Variants in BRIP1 observed in about 807,000 individuals in gnomAD.
The protein encoded by BRIP1 is Fanconi anemia group J protein.
Under a neutral mutation model 119.7 loss-of-function variants are expected in BRIP1, and 88 were observed. That is an observed-to-expected ratio of 0.74 (90% CI 0.62 to 0.88). The LOEUF (loss-of-function observed/expected upper bound fraction) is 0.88, where lower values mean the gene tolerates loss of function less well. BRIP1 is among the 40% of genes least tolerant of loss of function. BRIP1 has a pLI of 0.00. For missense variants in BRIP1, 1,259 were observed against 1,455.4 expected (o/e 0.87, Z 2.20); for synonymous variants, 443 against 496.5 (o/e 0.89, Z 1.43).
chr17:61,752,993 G>A lies in BRIP1; in HGVS notation c.2098-8402C>T, dbSNP rs927075602. Among the ~76,000 whole-genome samples, 23 of 152,130 alleles carry A rather than the reference G, an allele frequency of 1.5e-4. No homozygotes were observed. Among genetic ancestry groups the A allele is most frequent in the Admixed American group, 7.2e-4 (11 of 15,284 alleles). Reference sequence around the variant, plus strand: ...TCTAATGTGGCAGCATTGAGAGGTGGGGGATTTTAAGAGGTGACAGGGTAA... The same window carrying A: ...TCTAATGTGGCAGCATTGAGAGGTGAGGGATTTTAAGAGGTGACAGGGTAA... On this transcript the variant is annotated intron_variant, in intron 14 of 19. Coordinates refer to ENST00000259008, the MANE Select transcript of BRIP1 (RefSeq NM_032043.3). The surrounding 1 kb of genome is among the most constrained non-coding windows in gnomAD (Gnocchi z 6.2).
In BRIP1 at chr17:61,856,790, T is replaced by C. The variant is rs1320463618; in HGVS notation, c.379+268A>G. Among the ~76,000 whole-genome samples, 1 of 152,166 alleles carries C rather than the reference T, an allele frequency of 6.6e-6. No homozygotes were observed. The highest frequency in any genetic ancestry group is 1.5e-5 in the Non-Finnish European group (1 of 68,010). On this transcript the variant is annotated intron_variant, in intron 4 of 19. Transcript: ENST00000259008. This position sits in a 1 kb window ranked among gnomAD's most constrained non-coding sequence, Gnocchi z 5.1. ...CAATAATGGCTACAAATAACATCAA[T>C]TTTGGAAAATCATTTATTTTGCCTT...
chr17:61,830,356 C>T (rs993764004), intron 6 of BRIP1, among the ~76,000 whole-genome samples: 1 of 137,878 alleles, frequency 7.3e-6, no homozygotes, highest in Non-Finnish European at 1.6e-5. Flanking sequence ...AGAAAGTCAA[C>T]AAAAACTTTT....
intron 6 of BRIP1, among the ~76,000 whole-genome samples, chr17:61,812,974 T>TCA (rs2078185705): frequency 6.6e-6 from 1 of 151,890 alleles, no homozygotes; most frequent in Admixed American, 6.6e-5. Flanking sequence ...TCCCTACCAC[T>TCA]CACACAAAAA....
intron 14 of BRIP1, among the ~76,000 whole-genome samples, chr17:61,763,576 T>C (rs934956912): frequency 6.6e-6 from 1 of 152,118 alleles, no homozygotes; most frequent in African/African-American, 2.4e-5. Context: ...TAGTACTTTG[T>C]ACAAAGGCAA....
intron 10 of BRIP1, among the ~76,000 whole-genome samples, chr17:61,788,799 T>C (rs1255005276): frequency 2.6e-5 from 4 of 151,370 alleles, no homozygotes; most frequent in Admixed American, 6.6e-5. Context: ...CTACAAAACA[T>C]AAAAAAAATT....
At chr17:61,813,139 G>C (rs899708803) in intron 6 of BRIP1, among the ~76,000 whole-genome samples, 3 of 151,890 alleles carry the variant, frequency 2.0e-5, no homozygotes, top group Non-Finnish European at 4.4e-5. Context: ...ACTACAAATT[G>C]AATTTCAAAA....
At chr17:61,698,859 C>T (rs1324031970) in intron 17 of BRIP1, among the ~76,000 whole-genome samples, 3 of 151,816 alleles carry the variant, frequency 2.0e-5, no homozygotes, top group Non-Finnish European at 1.5e-5. Context: ...GGATTATAGG[C>T]ACATGCCACT....
chr17:61,693,539 T>C lies in BRIP1; in HGVS notation c.2493-27A>G, dbSNP rs773470271. On this transcript the variant is annotated intron_variant, in intron 17 of 19. Transcript: ENST00000259008. This position sits in a 1 kb window ranked among gnomAD's most constrained non-coding sequence, Gnocchi z 4.2. Reference sequence around the variant, plus strand: ...TAGAAAAAATAGGGAAAAAGTCAAATAATTATAACATCGGAAATAAATCCA... The same window carrying C: ...TAGAAAAAATAGGGAAAAAGTCAAACAATTATAACATCGGAAATAAATCCA... 33 of 1,557,042 alleles carry C rather than the reference T, an allele frequency of 2.1e-5. No homozygotes were observed. In the Middle Eastern group the frequency reaches 6.8e-4, roughly 32 times the overall value.
At chr17:61,771,876 C>T (rs2077453455) in intron 14 of BRIP1, among the ~76,000 whole-genome samples, 1 of 151,998 alleles carries the variant, frequency 6.6e-6, no homozygotes, top group African/African-American at 2.4e-5. Context: ...GCAGGAGAAT[C>T]ACTGGAACCT....
rs950475289 is a variant in BRIP1 at position 61,798,205 on chromosome 17, A to AT, written c.1340+894dup. 6.0e-5 allele frequency among the ~76,000 whole-genome samples: 9 copies of AT among 149,944 alleles called. No individual in the cohort carries two copies. Among genetic ancestry groups the AT allele is most frequent in the Non-Finnish European group, 7.4e-5 (5 of 67,244 alleles). On this transcript the variant is annotated intron_variant, in intron 9 of 19. Transcript: ENST00000259008. This position sits in a 1 kb window ranked among gnomAD's most constrained non-coding sequence, Gnocchi z 5.5. ...CTATCTAATGGAATTCTAGATATCT[A>AT]TTTTTTTTTTAAACTGAGAAAGCTT... is the stretch of plus-strand genomic sequence containing the variant.
intron 3 of BRIP1, among the ~76,000 whole-genome samples, chr17:61,858,014 T>A (rs2078921348): frequency 6.6e-6 from 1 of 152,154 alleles, no homozygotes; most frequent in Non-Finnish European, 1.5e-5. Context: ...AATAGAAACA[T>A]GTTTTTTGAT....
Position 61,841,885 on chromosome 17 carries a change from TTG to T in BRIP1, c.627+5214_627+5215del, listed in dbSNP as rs1373936639. 6.6e-6 allele frequency among the ~76,000 whole-genome samples: 1 copy of T among 152,128 alleles called. No homozygotes were observed. The highest frequency in any genetic ancestry group is 1.5e-5 in the Non-Finnish European group (1 of 68,016). On this transcript the variant is annotated intron_variant, in intron 6 of 19. Transcript: ENST00000259008. This position sits in a 1 kb window ranked among gnomAD's most constrained non-coding sequence, Gnocchi z 4.1. Reference sequence around the variant, plus strand: ...TTGTACAGATGGGGTTCTCGCTATGTTGCCGGGGCTGGTCTCAAACTCCTGGC... The same window carrying T: ...TTGTACAGATGGGGTTCTCGCTATGTCCGGGGCTGGTCTCAAACTCCTGGC...
intron 11 of BRIP1, 67 bp from the exon 12 acceptor site, chr17:61,781,072 T>G (rs1056918231): frequency 1.1e-5 from 16 of 1,457,372 alleles, no homozygotes; most frequent in Non-Finnish European, 1.5e-5. Context: ...CTACATACAA[T>G]ATAAAAACTG....
chr17:61,728,228 T>C (rs2076796204), intron 16 of BRIP1, among the ~76,000 whole-genome samples: 1 of 152,044 alleles, frequency 6.6e-6, no homozygotes. Context: ...AATGTGAGTT[T>C]TGGAATAAGA....
rs374942119 is a variant in BRIP1 at position 61,717,372 on chromosome 17, C to T, written c.2380-1309G>A. 6.6e-6 allele frequency among the ~76,000 whole-genome samples: 1 copy of T among 152,090 alleles called. No individual in the cohort carries two copies. Among genetic ancestry groups the T allele is most frequent in the South Asian group, 2.1e-4 (1 of 4,826 alleles). On this transcript the variant is annotated intron_variant, in intron 16 of 19. Coordinates refer to ENST00000259008, the MANE Select transcript of BRIP1 (RefSeq NM_032043.3). This position sits in a 1 kb window ranked among gnomAD's most constrained non-coding sequence, Gnocchi z 4.1. ...GTAGATTTAAATTTCCATCTGGTAT[C>T]ATTTTCCTTCTACCTGAAGAACTTT...
chr17:61,698,103 G>A (rs2061556763), intron 17 of BRIP1, among the ~76,000 whole-genome samples: 1 of 152,184 alleles, frequency 6.6e-6, no homozygotes, highest in Non-Finnish European at 1.5e-5. Context: ...ACCGTGCCTG[G>A]CCTAGATGTT....
intron 16 of BRIP1, among the ~76,000 whole-genome samples, chr17:61,728,187 A>G (rs913449610): frequency 4.6e-5 from 7 of 152,264 alleles, no homozygotes; most frequent in Admixed American, 3.3e-4. Flanking sequence ...ATTATTGCCA[A>G]GAATATTTGA....
At position 61,823,222 on chromosome 17, in the gene BRIP1, AG is replaced by A. The variant is rs2078352479; in HGVS notation, c.628-14466del. Among the ~76,000 whole-genome samples, 1 of 152,250 alleles carries A rather than the reference AG, an allele frequency of 6.6e-6. No individual in the cohort carries two copies. Among genetic ancestry groups the A allele is most frequent in the Admixed American group, 6.5e-5 (1 of 15,282 alleles). Reference sequence around the variant, plus strand: ...CATATATTTGTTTAAGTTTTCCAAAAGGCCAACATTTAAAGAAACAATAAAT... The same window carrying A: ...CATATATTTGTTTAAGTTTTCCAAAAGCCAACATTTAAAGAAACAATAAAT... On this transcript the variant is annotated intron_variant, in intron 6 of 19. Coordinates refer to ENST00000259008, the MANE Select transcript of BRIP1 (RefSeq NM_032043.3). The surrounding 1 kb of genome is among the most constrained non-coding windows in gnomAD (Gnocchi z 4.8).
rs2078679586 is a variant in BRIP1 at position 61,843,042 on chromosome 17, G to C, written c.627+4059C>G. On this transcript the variant is annotated intron_variant, in intron 6 of 19. Transcript: ENST00000259008. The surrounding 1 kb of genome is among the most constrained non-coding windows in gnomAD (Gnocchi z 5.7). ...TCAATGGAATATTAGCCCTAAAAAA[G>C]ATCCTGCTATTTGTGACAACATGGA... Among the ~76,000 whole-genome samples the C allele has an allele frequency of 6.6e-6, 1 of 152,170 alleles. No homozygotes were observed. Among genetic ancestry groups the C allele is most frequent in the African/African-American group, 2.4e-5 (1 of 41,442 alleles).
Sources: allele counts gnomAD v4.1 joint callset (sites outside exome capture counted in the v4.1 genomes callset), GRCh38; gene constraint gnomAD v4.1.1; non-coding constraint Gnocchi (gnomAD v3.1); transcripts MANE v1.5; gene names NCBI Gene and HGNC (gene_info 2026-07-23, HGNC 2026-07-21).